Variants in FRAS1 observed in about 807,000 individuals in gnomAD.
FRAS1 encodes extracellular matrix organizing protein FRAS1.
In FRAS1, 290 loss-of-function variants were observed where a neutral mutation model predicts 435.2. The observed-to-expected ratio is 0.67, with a 90% confidence interval of 0.61 to 0.73. FRAS1 has a LOEUF of 0.73. FRAS1 is among the 30% of genes least tolerant of loss of function. FRAS1 has a pLI of 0.00. For synonymous variants in FRAS1, 1,800 were observed against 1,851.0 expected (o/e 0.97, Z 0.71); for missense variants, 4,860 against 5,001.5 (o/e 0.97, Z 0.85).
At chr4:78,478,241 C>T (rs1227942062) in intron 55 of FRAS1, among the ~76,000 whole-genome samples, 180 bp downstream of exon 55, 2 of 152,218 alleles carry the variant, frequency 1.3e-5, no homozygotes, top group African/African-American at 4.8e-5. Flanking sequence ...TGACTACCAT[C>T]AGAAAGCCTC....
chr4:78,411,595 G>T (rs949145408), intron 31 of FRAS1, among the ~76,000 whole-genome samples: 2 of 152,138 alleles, frequency 1.3e-5, no homozygotes. Context: ...GTGGGAAGGA[G>T]CCCTGGTTTG....
At position 78,481,670 on chromosome 4, in the gene FRAS1, A is replaced by G. The variant is rs1410331305; in HGVS notation, c.8444-134A>G. 9.8e-6 allele frequency: 9 copies of G among 916,008 alleles called. No homozygotes were observed. The East Asian group carries it at 2.2e-4, about 22-fold the overall frequency. The allele number at this position is 916,008 out of a possible 1,614,324, so 56.7% of individuals were successfully genotyped here. A position where few individuals can be genotyped will look rare whatever the true frequency, so the allele number is the denominator to read the frequency against. On this transcript the variant is annotated intron_variant, in intron 56 of 73. Transcript: ENST00000512123. The stretch of plus-strand genomic sequence containing the variant: ...ACCTCAGATGGGCCATAGGAGCATC[A>G]CTGAAGCTAGATTAGAAAAGCTCAA...
At chr4:78,206,783 A>G (rs1326359036) in intron 2 of FRAS1, among the ~76,000 whole-genome samples, 1 of 152,186 alleles carries the variant, frequency 6.6e-6, no homozygotes, top group Non-Finnish European at 1.5e-5. Flanking sequence ...TAGATGACTT[A>G]ACTGGGTGCA....
At chr4:78,454,281 G>A (rs1035433675) in intron 47 of FRAS1, among the ~76,000 whole-genome samples, 4 of 152,170 alleles carry the variant, frequency 2.6e-5, no homozygotes, top group South Asian at 4.1e-4. Flanking sequence ...GGAGACCAGG[G>A]TGGCTGCAGC....
At chr4:78,077,342 C>A (rs1383965531) in intron 2 of FRAS1, among the ~76,000 whole-genome samples, 1 of 152,112 alleles carries the variant, frequency 6.6e-6, no homozygotes, top group African/African-American at 2.4e-5. Flanking sequence ...TGCACTCCAG[C>A]CTGGGTGACA....
intron 45 of FRAS1, 84 bp from the exon 46 acceptor site, chr4:78,451,688 C>G: frequency 8.8e-7 from 1 of 1,136,296 alleles, no homozygotes; most frequent in Non-Finnish European, 1.2e-6. Context: ...TTGGTGTGAA[C>G]ACCAATTGAA....
In FRAS1 at chr4:78,347,163, G is replaced by A. The variant is rs1730637642; in HGVS notation, c.2422+9346G>A. ...TTGACTTCCTTGTCCACCCACTACT[G>A]ATTTTTCAATTGGCACAATTCAAAA... On this transcript the variant is annotated intron_variant, in intron 20 of 73. Coordinates refer to ENST00000512123, the MANE Select transcript of FRAS1 (RefSeq NM_025074.7). Among the ~76,000 whole-genome samples, 5 of 152,204 alleles carry A rather than the reference G, an allele frequency of 3.3e-5. No individual in the cohort carries two copies. The South Asian group carries it at 1.0e-3, about 32-fold the overall frequency.
At chr4:78,189,936 C>G (rs1460263075) in intron 2 of FRAS1, among the ~76,000 whole-genome samples, 2 of 152,216 alleles carry the variant, frequency 1.3e-5, no homozygotes, top group African/African-American at 4.8e-5. Context: ...CTAAAGTAGA[C>G]CCTCAAACCT....
intron 59 of FRAS1, among the ~76,000 whole-genome samples, chr4:78,492,731 C>A (rs1474720326): frequency 6.6e-6 from 1 of 151,996 alleles, no homozygotes; most frequent in Non-Finnish European, 1.5e-5. Context: ...AGGACAAGGA[C>A]AAGGCAAGGA....
At chr4:78,276,428 T>A (rs1383486204) in intron 9 of FRAS1, among the ~76,000 whole-genome samples, 1 of 152,252 alleles carries the variant, frequency 6.6e-6, no homozygotes, top group Non-Finnish European at 1.5e-5. Context: ...GCTCTGTTTT[T>A]TCCCCATCTT....
intron 2 of FRAS1, among the ~76,000 whole-genome samples, chr4:78,070,128 C>T (rs112785896): frequency 1.3e-5 from 2 of 152,304 alleles, no homozygotes; most frequent in African/African-American, 4.8e-5. Context: ...CTGTCCTGCA[C>T]TGGCGTGCAC....
At chr4:78,237,772 G>A in intron 3 of FRAS1, among the ~76,000 whole-genome samples, 155 bp downstream of exon 3, 1 of 152,274 alleles carries the variant, frequency 6.6e-6, no homozygotes, top group Non-Finnish European at 1.5e-5. Flanking sequence ...TTGCATCTAA[G>A]AATATCCTAT....
At chr4:78,406,478 G>A (rs910720206) in intron 30 of FRAS1, among the ~76,000 whole-genome samples, 1 of 152,086 alleles carries the variant, frequency 6.6e-6, no homozygotes, top group Non-Finnish European at 1.5e-5. Context: ...TGAGGAAGAG[G>A]CAAAAGCGGA....
At chr4:78,138,976 C>T (rs1720043630) in intron 2 of FRAS1, among the ~76,000 whole-genome samples, 1 of 152,168 alleles carries the variant, frequency 6.6e-6, no homozygotes, top group Non-Finnish European at 1.5e-5. Context: ...TGTACATGTG[C>T]TCACAAGCAT....
chr4:78,441,499 A>G (rs1317924825), intron 41 of FRAS1, among the ~76,000 whole-genome samples: 3 of 152,224 alleles, frequency 2.0e-5, no homozygotes, highest in Admixed American at 6.5e-5. Flanking sequence ...TTATTTAATT[A>G]AGCACTAGGG....
chr4:78,081,357 TTTTA>T (rs1428141604), intron 2 of FRAS1, among the ~76,000 whole-genome samples: 1 of 152,284 alleles, frequency 6.6e-6, no homozygotes, highest in East Asian at 1.9e-4. Flanking sequence ...GGATTGTAAA[TTTTA>T]TTTATTTTTA....
chr4:78,534,621 T>C lies in FRAS1; in HGVS notation c.11092+6T>C. ...CAAAGGAGCCTTTTCAAAAGGTGAG[T>C]TGCTTCCTCCACCTGCAGAAAGAGG... On this transcript the variant is annotated splice_donor_region_variant and intron_variant, in intron 71 of 73. Coordinates refer to ENST00000512123, the MANE Select transcript of FRAS1 (RefSeq NM_025074.7). 8 of 1,611,220 alleles carry C rather than the reference T, an allele frequency of 5.0e-6. No homozygotes were observed. The highest frequency in any genetic ancestry group is 5.9e-6 in the Non-Finnish European group (7 of 1,178,340).
At chr4:78,217,490 C>T (rs1006422510) in intron 2 of FRAS1, among the ~76,000 whole-genome samples, 3 of 152,014 alleles carry the variant, frequency 2.0e-5, no homozygotes, top group Non-Finnish European at 2.9e-5. Flanking sequence ...GGTGAGAGTG[C>T]CCTGGACCAG....
chr4:78,075,305 G>A (rs1279302258), intron 2 of FRAS1, among the ~76,000 whole-genome samples: 3 of 152,112 alleles, frequency 2.0e-5, no homozygotes, highest in Non-Finnish European at 4.4e-5. Context: ...AAGTTGATAG[G>A]GGAGAAAGAT....
Sources: gnomAD v4.1 joint callset for allele counts (sites outside exome capture counted in the v4.1 genomes callset) on GRCh38, gnomAD v4.1.1 for gene constraint, MANE v1.5 for transcripts, NCBI Gene and HGNC (gene_info 2026-07-23, HGNC 2026-07-21) for gene names.